Variants in PEPD observed in about 807,000 individuals in gnomAD.
PEPD encodes peptidase D.
Under a neutral mutation model 60.7 loss-of-function variants are expected in PEPD, and 53 were observed. The observed-to-expected ratio is 0.87, with a 90% CI of 0.70 to 1.10. The LOEUF (loss-of-function observed/expected upper bound fraction) is 1.10. Among genes scored for constraint, PEPD ranks in the 50% least tolerant of loss-of-function variants. The probability of loss-of-function intolerance (pLI) is 0.00; values close to 1 mark genes in which losing one functional copy is unlikely to be tolerated. For missense variants in PEPD, 711 were observed against 711.9 expected (o/e 1.00, Z 0.01); for synonymous variants, 267 against 284.1 (o/e 0.94, Z 0.60).
intron 9 of PEPD, among the ~76,000 whole-genome samples, chr19:33,440,227 A>G (rs1296925517): frequency 1.3e-5 from 2 of 151,430 alleles, no homozygotes; most frequent in Non-Finnish European, 2.9e-5. Context: ...TCCCCACCTC[A>G]CTCAATAGCA....
chr19:33,448,671 G>A (rs973174377), intron 9 of PEPD, among the ~76,000 whole-genome samples: 1 of 152,116 alleles, frequency 6.6e-6, no homozygotes, highest in Admixed American at 6.5e-5. Flanking sequence ...GCCATGAAAA[G>A]AGTCGGCTTC....
At chr19:33,455,954 G>C (rs944879852) in intron 9 of PEPD, among the ~76,000 whole-genome samples, 1 of 152,162 alleles carries the variant, frequency 6.6e-6, no homozygotes, top group Admixed American at 6.5e-5. Flanking sequence ...GCCTATTTAT[G>C]TTAGTTTTGC....
At chr19:33,504,784 A>C (rs1001213899) in intron 3 of PEPD, among the ~76,000 whole-genome samples, 1 of 151,898 alleles carries the variant, frequency 6.6e-6, no homozygotes, top group African/African-American at 2.4e-5. Context: ...AAAAGAAATT[A>C]CTGGACTGGG....
intron 7 of PEPD, 119 bp from the exon 8 acceptor site, chr19:33,464,181 A>G: frequency 1.3e-6 from 1 of 756,432 alleles, no homozygotes; most frequent in Non-Finnish European, 2.3e-6. Context: ...CGTGTTGTGC[A>G]AGGCCAGAGT....
chr19:33,519,003 A>C (rs1469473567), intron 1 of PEPD, among the ~76,000 whole-genome samples: 1 of 152,168 alleles, frequency 6.6e-6, no homozygotes, highest in African/African-American at 2.4e-5. Context: ...CAAGGGAAGA[A>C]GGGAATGGAA....
At chr19:33,422,627 C>CA (rs1969044466) in intron 9 of PEPD, among the ~76,000 whole-genome samples, 1 of 150,006 alleles carries the variant, frequency 6.7e-6, no homozygotes, top group Non-Finnish European at 1.5e-5. Flanking sequence ...ATCCCTCTAT[C>CA]ATCTATCTAC....
chr19:33,456,358 A>T (rs896477115), intron 9 of PEPD, among the ~76,000 whole-genome samples: 7 of 152,126 alleles, frequency 4.6e-5, no homozygotes, highest in Admixed American at 2.0e-4. Context: ...GGCTCTTGGG[A>T]AGGGCTCAGC....
chr19:33,419,318 G>T (rs1014637947), intron 9 of PEPD, among the ~76,000 whole-genome samples: 1 of 152,228 alleles, frequency 6.6e-6, no homozygotes, highest in Non-Finnish European at 1.5e-5. Context: ...GGATGGGTGG[G>T]CAGACTGATT....
chr19:33,458,055 TG>T (rs1969841432), intron 9 of PEPD, among the ~76,000 whole-genome samples: 1 of 151,872 alleles, frequency 6.6e-6, no homozygotes, highest in African/African-American at 2.4e-5. Flanking sequence ...AGGCATGTGG[TG>T]GGTGGCGTGT....
At chr19:33,424,972 C>A (rs908729480) in intron 9 of PEPD, among the ~76,000 whole-genome samples, 1 of 151,496 alleles carries the variant, frequency 6.6e-6, no homozygotes. Flanking sequence ...ATATCAGACC[C>A]CAGCTCTTTA....
In PEPD at chr19:33,411,713, G is replaced by A. The variant is rs573678038; in HGVS notation, c.777C>T (p.Ala259=). Residue 259 remains alanine, a synonymous_variant, in exon 11 of 15, where the codon GCC becomes GCT. Transcript: ENST00000244137. ...GGATCGTTCGGTCGTTGGGAGCTCC[G>A]GCGTGTCCGTAGTGTAGCACGGCTG... The part of the protein sequence containing the change: ...ENSAVLHYGH[A]GAPNDRTIQN... The A allele has an allele frequency of 5.4e-5, 87 of 1,611,134 alleles. 1 individual carries two copies. Among genetic ancestry groups the A allele is most frequent in the Middle Eastern group, 5.0e-4 (3 of 6,054 alleles).
In PEPD at chr19:33,414,102, G is replaced by A. The variant is rs577118278; in HGVS notation, c.672-459C>T. ...AGGAGGGGCTGGATCTACGGCCTGC[G>A]CTCACCCGGGGAGAGGGCACAGGAG... is the stretch of plus-strand genomic sequence containing the variant. On this transcript the variant is annotated intron_variant, in intron 9 of 14. Transcript: ENST00000244137. 6.6e-5 allele frequency among the ~76,000 whole-genome samples: 10 copies of A among 152,316 alleles called. No individual in the cohort carries two copies. The East Asian group carries it at 1.7e-3, about 26-fold the overall frequency.
intron 9 of PEPD, among the ~76,000 whole-genome samples, chr19:33,445,096 G>A (rs1161224193): frequency 6.6e-6 from 1 of 152,154 alleles, no homozygotes; most frequent in Non-Finnish European, 1.5e-5. Flanking sequence ...GGATTACTCA[G>A]CCTCCTCAAT....
chr19:33,501,671 C>T (rs931544894), intron 3 of PEPD, among the ~76,000 whole-genome samples: 1 of 151,782 alleles, frequency 6.6e-6, no homozygotes, highest in African/African-American at 2.4e-5. Flanking sequence ...AGCGAGACTC[C>T]ATCTCAAATA....
intron 1 of PEPD, among the ~76,000 whole-genome samples, chr19:33,513,961 G>A (rs929968717): frequency 4.9e-5 from 2 of 41,100 alleles, no homozygotes; most frequent in East Asian, 5.1e-4. Flanking sequence ...AGCTCTCTTC[G>A]TGTCTCTCTA....
intron 9 of PEPD, among the ~76,000 whole-genome samples, chr19:33,430,321 G>C (rs1969241192): frequency 6.6e-6 from 1 of 152,190 alleles, no homozygotes; most frequent in African/African-American, 2.4e-5. Flanking sequence ...CGGTCAGTTT[G>C]ACACCCGAGA....
chr19:33,496,309 G>T (rs1048389564), intron 4 of PEPD, among the ~76,000 whole-genome samples: 2 of 152,276 alleles, frequency 1.3e-5, no homozygotes, highest in Admixed American at 1.3e-4. Flanking sequence ...AATAATGGAG[G>T]AGGGGAGAGC....
At chr19:33,503,212 C>T (rs939454358) in intron 3 of PEPD, among the ~76,000 whole-genome samples, 5 of 152,140 alleles carry the variant, frequency 3.3e-5, no homozygotes, top group Non-Finnish European at 5.9e-5. Flanking sequence ...GGCCCAGGGA[C>T]GGCTGCAGGG....
At chr19:33,505,797 C>A (rs1280824290) in intron 3 of PEPD, among the ~76,000 whole-genome samples, 1 of 148,298 alleles carries the variant, frequency 6.7e-6, no homozygotes, top group Non-Finnish European at 1.5e-5. Flanking sequence ...CACCCACATA[C>A]ACCCTCATCA....
Sources: allele counts gnomAD v4.1 joint callset (sites outside exome capture counted in the v4.1 genomes callset), GRCh38; gene constraint gnomAD v4.1.1; transcripts MANE v1.5; gene names NCBI Gene and HGNC (gene_info 2026-07-23, HGNC 2026-07-21).